SPAG16: variants seen among roughly 807,000 people sequenced by gnomAD.
SPAG16 encodes the protein sperm associated antigen 16.
Under a neutral mutation model 80.4 loss-of-function variants are expected in SPAG16, and 86 were observed. The observed-to-expected ratio is 1.07, with a 90% CI of 0.90 to 1.28. The LOEUF is 1.28. Among genes scored for constraint, SPAG16 ranks in the 50% most tolerant of loss-of-function variants. SPAG16 has a pLI of 0.00. For synonymous variants in SPAG16, 294 were observed against 265.9 expected (o/e 1.11, Z -1.03); for missense variants, 870 against 765.3 (o/e 1.14, Z -1.61).
At chr2:213,721,362 G>C (rs2066526963) in intron 10 of SPAG16, among the ~76,000 whole-genome samples, 1 of 152,158 alleles carries the variant, frequency 6.6e-6, no homozygotes, top group Non-Finnish European at 1.5e-5. Context: ...GCCTCCCAAA[G>C]TGCTGAGATT....
chr2:214,005,358 G>A (rs1374433046), intron 12 of SPAG16, among the ~76,000 whole-genome samples: 4 of 152,176 alleles, frequency 2.6e-5, no homozygotes, highest in East Asian at 1.9e-4. Flanking sequence ...GATCCTGCCC[G>A]TGTTCCAGGT....
At chr2:213,537,427 C>A (rs926812840) in intron 10 of SPAG16, among the ~76,000 whole-genome samples, 4 of 151,212 alleles carry the variant, frequency 2.6e-5, no homozygotes, top group African/African-American at 9.7e-5. Flanking sequence ...GTATTTAAGA[C>A]AATTCATACA....
At chr2:214,396,542 C>A (rs1350067706) in intron 15 of SPAG16, among the ~76,000 whole-genome samples, 6 of 151,840 alleles carry the variant, frequency 4.0e-5, no homozygotes, top group African/African-American at 1.5e-4. Flanking sequence ...CTAATAAGCC[C>A]CATTTGTCCA....
intron 10 of SPAG16, among the ~76,000 whole-genome samples, chr2:213,791,292 G>GA (rs889875638): frequency 9.8e-4 from 142 of 145,506 alleles, no homozygotes; most frequent in East Asian, 2.2e-3. Context: ...ACTAAAGTTT[G>GA]AAAAAAAAAA....
chr2:213,609,655 G>A (rs1034812276), intron 10 of SPAG16, among the ~76,000 whole-genome samples: 3 of 152,020 alleles, frequency 2.0e-5, no homozygotes, highest in African/African-American at 7.3e-5. Flanking sequence ...TCCCCTCTGG[G>A]CATTTTCTGC....
chr2:213,797,651 G>A (rs183683598), intron 10 of SPAG16, among the ~76,000 whole-genome samples: 139 of 152,278 alleles, frequency 9.1e-4, no homozygotes, highest in African/African-American at 2.9e-3. Flanking sequence ...CCAAGGACAC[G>A]TTTCTCAGAT....
intron 12 of SPAG16, among the ~76,000 whole-genome samples, chr2:213,978,312 C>T (rs1214224407): frequency 6.6e-6 from 1 of 152,066 alleles, no homozygotes; most frequent in African/African-American, 2.4e-5. Flanking sequence ...CTGCAAGTAA[C>T]AGGTTTGTTG....
chr2:214,220,405 C>T (rs570540361), intron 15 of SPAG16, among the ~76,000 whole-genome samples: 5 of 152,162 alleles, frequency 3.3e-5, no homozygotes, highest in East Asian at 1.9e-4. Flanking sequence ...GCTTACGACA[C>T]GGAAAAGCTT....
intron 3 of SPAG16, among the ~76,000 whole-genome samples, chr2:213,305,267 GT>G (rs1051745147): frequency 1.3e-5 from 2 of 151,930 alleles, no homozygotes; most frequent in Non-Finnish European, 2.9e-5. Flanking sequence ...TGGTGAATAG[GT>G]TTTTTTCGAG....
chr2:214,012,282 A>ATTTTTTTTTTTTTTTTTTTTTTT, intron 12 of SPAG16, among the ~76,000 whole-genome samples: 1 of 50,714 alleles, frequency 2.0e-5, no homozygotes, highest in Non-Finnish European at 3.2e-5. Flanking sequence ...ATATATATAT[A>ATTTTTTTTTTTTTTTTTTTTTTT]TATATATTTT....
chr2:213,866,525 C>T (rs943547440), intron 11 of SPAG16, among the ~76,000 whole-genome samples: 1 of 150,720 alleles, frequency 6.6e-6, no homozygotes, highest in Non-Finnish European at 1.5e-5. Context: ...TGTTAACACA[C>T]GTTTGCATAT....
At chr2:213,762,891 AG>A (rs1484241360) in intron 10 of SPAG16, among the ~76,000 whole-genome samples, 1 of 152,204 alleles carries the variant, frequency 6.6e-6, no homozygotes, top group African/African-American at 2.4e-5. Flanking sequence ...AAATCTTATA[AG>A]GGGTCAATCT....
At chr2:213,556,303 A>T (rs535118768) in intron 10 of SPAG16, among the ~76,000 whole-genome samples, 7 of 133,430 alleles carry the variant, frequency 5.2e-5, no homozygotes, top group African/African-American at 1.5e-4. Context: ...GGGTCAAAAA[A>T]AAAAAAACCA....
intron 10 of SPAG16, among the ~76,000 whole-genome samples, chr2:213,841,466 A>G (rs912471003): frequency 6.6e-6 from 1 of 152,200 alleles, no homozygotes; most frequent in Non-Finnish European, 1.5e-5. Flanking sequence ...TAGAATGAGT[A>G]AAAGAATCAC....
At chr2:213,786,715 T>C (rs184057797) in intron 10 of SPAG16, among the ~76,000 whole-genome samples, 4 of 152,250 alleles carry the variant, frequency 2.6e-5, no homozygotes, top group Admixed American at 2.0e-4. Flanking sequence ...GCTTAACATA[T>C]GTCTAATAAT....
intron 13 of SPAG16, among the ~76,000 whole-genome samples, chr2:214,101,183 A>G (rs1230228851): frequency 6.6e-6 from 1 of 152,032 alleles, no homozygotes; most frequent in Non-Finnish European, 1.5e-5. Context: ...CACTATTGAC[A>G]CTAAAAAGAC....
chr2:213,637,812 T>C (rs373901549), intron 10 of SPAG16, among the ~76,000 whole-genome samples: 7 of 152,254 alleles, frequency 4.6e-5, no homozygotes, highest in African/African-American at 9.6e-5. Context: ...GGCTGGAGTG[T>C]AGTGGCTAAT....
intron 9 of SPAG16, among the ~76,000 whole-genome samples, chr2:213,457,098 G>C (rs905762504): frequency 4.0e-4 from 60 of 151,842 alleles, no homozygotes; most frequent in Non-Finnish European, 1.0e-4. Flanking sequence ...TTTTCTCCCA[G>C]AAATCATGCC....
intron 15 of SPAG16, 131 bp from the exon 16 acceptor site, chr2:214,410,009 A>T: frequency 1.1e-6 from 1 of 878,182 alleles, no homozygotes. Flanking sequence ...GAGCTACTGC[A>T]TATTTAATAA....
Sources: gnomAD v4.1 joint callset for allele counts (sites outside exome capture counted in the v4.1 genomes callset) on GRCh38, gnomAD v4.1.1 for gene constraint, MANE v1.5 for transcripts, NCBI Gene and HGNC (gene_info 2026-07-23, HGNC 2026-07-21) for gene names.